Variants in ARHGAP18 observed in about 807,000 individuals in gnomAD.
The protein encoded by ARHGAP18 is Rho GTPase activating protein 18, also known as rho GTPase-activating protein 18.
ARHGAP18 carries 67 observed loss-of-function variants against 86.2 expected under a neutral mutation model. That is an observed-to-expected ratio of 0.78 (90% CI 0.64 to 0.95). The LOEUF (loss-of-function observed/expected upper bound fraction) is 0.95. Ranked by LOEUF, ARHGAP18 falls within the 40% of genes least tolerant of loss-of-function variation. ARHGAP18 has a pLI of 0.00. For missense variants in ARHGAP18, 691 were observed against 780.4 expected (o/e 0.89, Z 1.37); for synonymous variants, 283 against 280.4 (o/e 1.01, Z -0.09).
intron 9 of ARHGAP18, among the ~76,000 whole-genome samples, chr6:129,606,247 C>T (rs2114455067): frequency 6.6e-6 from 1 of 152,164 alleles, no homozygotes; most frequent in East Asian, 1.9e-4. Context: ...ATAATTTTAA[C>T]TTCTGCGTGA....
chr6:129,658,041 C>G (rs1369261219), intron 1 of ARHGAP18, among the ~76,000 whole-genome samples: 5 of 152,212 alleles, frequency 3.3e-5, no homozygotes, highest in Admixed American at 1.3e-4. Flanking sequence ...ACCATTATCA[C>G]TGTATAGTGT....
intron 2 of ARHGAP18, among the ~76,000 whole-genome samples, chr6:129,640,064 A>AAAC (rs1562705829): frequency 2.2e-5 from 3 of 138,208 alleles, no homozygotes; most frequent in African/African-American, 8.3e-5. Flanking sequence ...AAAAAAAAAA[A>AAAC]CAAACAAAAG....
At chr6:129,579,729 C>G (rs563424125) in intron 14 of ARHGAP18, among the ~76,000 whole-genome samples, 1 of 152,184 alleles carries the variant, frequency 6.6e-6, no homozygotes, top group East Asian at 1.9e-4. Context: ...TTATCTTAGC[C>G]TTATATAAGC....
intron 12 of ARHGAP18, among the ~76,000 whole-genome samples, chr6:129,596,007 C>T (rs140396681): frequency 2.0e-5 from 3 of 152,278 alleles, no homozygotes; most frequent in Non-Finnish European, 2.9e-5. Context: ...GTCTGAACCA[C>T]CATTATCTCT....
At chr6:129,651,052 T>C in intron 1 of ARHGAP18, among the ~76,000 whole-genome samples, 1 of 152,208 alleles carries the variant, frequency 6.6e-6, no homozygotes, top group South Asian at 2.1e-4. Flanking sequence ...TTAGTATCCC[T>C]GGCTTCGAGC....
chr6:129,607,947 A>G lies in ARHGAP18; in HGVS notation c.1228T>C (p.Leu410=), dbSNP rs555610763. ...TCCACACTGAGCAGTGGCTGGGGCA[A>G]CTCCCGAATGAAGAGCTTCAGCAGG... ...ASLLKLFIRE[L]PQPLLSVEYL... The change falls in exon 9 of 15, where the codon TTG becomes CTG. Residue 410 remains leucine, a synonymous_variant. Transcript: ENST00000368149. 1.7e-5 allele frequency: 27 copies of G among 1,613,492 alleles called. No individual in the cohort carries two copies. In the South Asian group the frequency reaches 2.3e-4, roughly 14 times the overall value.
intron 1 of ARHGAP18, among the ~76,000 whole-genome samples, chr6:129,695,266 T>C (rs949316775): frequency 6.6e-6 from 1 of 152,094 alleles, no homozygotes; most frequent in African/African-American, 2.4e-5. Context: ...GTAAACTATT[T>C]TTTTTTCCCA....
intron 1 of ARHGAP18, among the ~76,000 whole-genome samples, chr6:129,681,321 C>T (rs1442060430): frequency 6.6e-6 from 1 of 152,202 alleles, no homozygotes; most frequent in Admixed American, 6.5e-5. Context: ...CGTGATCCGC[C>T]TGCCTCGGCC....
At chr6:129,686,017 G>GA in intron 1 of ARHGAP18, among the ~76,000 whole-genome samples, 1 of 152,086 alleles carries the variant, frequency 6.6e-6, no homozygotes, top group East Asian at 1.9e-4. Context: ...CGGAGGGGCA[G>GA]AAAAATCAGA....
At chr6:129,630,581 GTC>G (rs1773179230) in intron 4 of ARHGAP18, among the ~76,000 whole-genome samples, 1 of 152,154 alleles carries the variant, frequency 6.6e-6, no homozygotes, top group African/African-American at 2.4e-5. Flanking sequence ...TATATTAAGA[GTC>G]TGCAGTTCAG....
intron 1 of ARHGAP18, among the ~76,000 whole-genome samples, chr6:129,683,048 GTTTT>G (rs201451790): frequency 0.023 from 3,112 of 134,904 alleles, 83 homozygotes; most frequent in Admixed American, 0.068. Flanking sequence ...AATGTGTTTT[GTTTT>G]TTCTTTTTTT....
chr6:129,673,472 G>T (rs919437182), intron 1 of ARHGAP18, among the ~76,000 whole-genome samples: 10 of 152,062 alleles, frequency 6.6e-5, no homozygotes, highest in Non-Finnish European at 1.5e-4. Context: ...TCTCTTTATA[G>T]GAAGGATAGA....
In ARHGAP18 at chr6:129,625,212, TATATATGATATATG is replaced by T. The variant is rs1379497175; in HGVS notation, c.786+4127_786+4140del. Among the ~76,000 whole-genome samples the T allele has an allele frequency of 3.5e-5, 2 of 57,400 alleles. 1 individual carries two copies. The highest frequency in any genetic ancestry group is 5.9e-5 in the Non-Finnish European group (2 of 33,692). 37.7% of individuals were successfully genotyped at this position (57,400 alleles called of 152,430 possible). A position where few individuals can be genotyped will look rare whatever the true frequency, so the allele number is the denominator to read the frequency against. On this transcript the variant is annotated intron_variant, in intron 5 of 14. Transcript: ENST00000368149. Reference sequence around the variant, plus strand: ...ATATATGATATATATTTATATGTAATATATATGATATATGATATATGATATATATTTATATGTAA... The same window carrying T: ...ATATATGATATATATTTATATGTAATATATATGATATATATTTATATGTAA...
At chr6:129,685,001 G>A (rs1774401404) in intron 1 of ARHGAP18, among the ~76,000 whole-genome samples, 1 of 152,154 alleles carries the variant, frequency 6.6e-6, no homozygotes, top group African/African-American at 2.4e-5. Flanking sequence ...CTGAAATAGA[G>A]AAACGTCATT....
intron 5 of ARHGAP18, among the ~76,000 whole-genome samples, chr6:129,625,722 TTA>T (rs1479618159): frequency 3.3e-5 from 2 of 61,508 alleles, no homozygotes; most frequent in Admixed American, 3.1e-4. Flanking sequence ...TATTTATATA[TTA>T]TATATATTTA....
chr6:129,587,309 A>G (rs1788414892), intron 12 of ARHGAP18, among the ~76,000 whole-genome samples: 1 of 152,180 alleles, frequency 6.6e-6, no homozygotes, highest in Non-Finnish European at 1.5e-5. Flanking sequence ...AAAGGAATTA[A>G]GTGTGTTACA....
chr6:129,650,232 C>T (rs1246087381), intron 1 of ARHGAP18, among the ~76,000 whole-genome samples: 12 of 151,996 alleles, frequency 7.9e-5, no homozygotes. Context: ...CCTCACTCTA[C>T]TTCTTGACAT....
intron 1 of ARHGAP18, among the ~76,000 whole-genome samples, chr6:129,648,599 A>G (rs1226206574): frequency 1.4e-5 from 2 of 147,048 alleles, no homozygotes; most frequent in Non-Finnish European, 3.0e-5. Context: ...AATAAGACAC[A>G]CATCTCTATT....
intron 1 of ARHGAP18, among the ~76,000 whole-genome samples, chr6:129,676,343 A>G (rs1279427318): frequency 6.6e-6 from 1 of 152,208 alleles, no homozygotes; most frequent in Non-Finnish European, 1.5e-5. Flanking sequence ...GGGGGGCAAC[A>G]GGTCCAATAA....
Sources: allele counts gnomAD v4.1 joint callset (sites outside exome capture counted in the v4.1 genomes callset), GRCh38; gene constraint gnomAD v4.1.1; transcripts MANE v1.5; gene names NCBI Gene and HGNC (gene_info 2026-07-23, HGNC 2026-07-21).